The following INPP4B variants were observed in gnomAD, a reference collection of about 807,000 sequenced individuals.
INPP4B encodes the protein inositol polyphosphate 4-phosphatase type II.
A neutral mutation model predicts 122.5 loss-of-function variants in INPP4B; 55 were observed. The ratio of observed to expected loss-of-function variants is 0.45; its 90% CI spans 0.36 to 0.56. INPP4B has a LOEUF of 0.56. Ranked by LOEUF, INPP4B falls within the 20% of genes least tolerant of loss-of-function variation. INPP4B has a pLI of 0.00. For missense variants in INPP4B, 1,000 were observed against 1,097.7 expected, an observed-to-expected ratio of 0.91 and a Z score of 1.26; for synonymous variants, 403 against 388.7, an observed-to-expected ratio of 1.04 and a Z score of -0.43.
In INPP4B at chr4:142,728,364, G is replaced by A. The variant is rs1021054142; in HGVS notation, c.-253-2463C>T. 3.3e-5 allele frequency among the ~76,000 whole-genome samples: 5 copies of A among 152,204 alleles called. No individual in the cohort carries two copies. In the East Asian group the frequency reaches 9.6e-4, roughly 29 times the overall value. Reference sequence around the variant, plus strand: ...CCAATAACAATCCCTAACTCCAGGTGCAGGCATCAAGTAGACCAACATCTG... The same window carrying A: ...CCAATAACAATCCCTAACTCCAGGTACAGGCATCAAGTAGACCAACATCTG... On this transcript the variant is annotated intron_variant, in intron 1 of 25. Transcript: ENST00000262992.
chr4:142,074,982 A>G (rs1184632667), intron 25 of INPP4B, among the ~76,000 whole-genome samples: 2 of 151,918 alleles, frequency 1.3e-5, no homozygotes, highest in African/African-American at 4.8e-5. Flanking sequence ...GATTCTTTTT[A>G]TCCTCTGAGC....
At chr4:142,440,796 T>A (rs1177291385) in intron 3 of INPP4B, among the ~76,000 whole-genome samples, 1 of 152,240 alleles carries the variant, frequency 6.6e-6, no homozygotes, top group African/African-American at 2.4e-5. Context: ...TACACATATA[T>A]GGCAAAATAG....
chr4:142,392,350 A>C (rs545972993), intron 7 of INPP4B, among the ~76,000 whole-genome samples: 18 of 152,206 alleles, frequency 1.2e-4, no homozygotes, highest in African/African-American at 4.3e-4. Flanking sequence ...TCTATGAACA[A>C]TAGAAATGAA....
At chr4:142,582,714 C>T (rs1306755217) in intron 2 of INPP4B, among the ~76,000 whole-genome samples, 1 of 152,116 alleles carries the variant, frequency 6.6e-6, no homozygotes, top group Non-Finnish European at 1.5e-5. Flanking sequence ...ATGGGCCAGG[C>T]CACTCACTGG....
chr4:142,841,733 A>G (rs1783517636), intron 1 of INPP4B, among the ~76,000 whole-genome samples: 1 of 151,934 alleles, frequency 6.6e-6, no homozygotes, highest in African/African-American at 2.4e-5. Flanking sequence ...ATAAACAACT[A>G]GTAAATGAAA....
intron 7 of INPP4B, among the ~76,000 whole-genome samples, chr4:142,343,495 AC>A (rs199558587): frequency 6.8e-6 from 1 of 147,200 alleles, no homozygotes; most frequent in Non-Finnish European, 1.5e-5. Flanking sequence ...AAAAAAAAAA[AC>A]CCCGAGAGTT....
At chr4:142,522,050 G>C (rs1026242236) in intron 2 of INPP4B, among the ~76,000 whole-genome samples, 5 of 151,840 alleles carry the variant, frequency 3.3e-5, no homozygotes, top group Non-Finnish European at 7.4e-5. Flanking sequence ...GTGTGCTTTG[G>C]GCAAGTTATT....
intron 21 of INPP4B, among the ~76,000 whole-genome samples, chr4:142,116,841 A>G (rs1407311341): frequency 6.6e-6 from 1 of 152,188 alleles, no homozygotes. Context: ...TAGAGACACA[A>G]AAAACCGTTC....
chr4:142,720,759 T>TA (rs1560996300), intron 2 of INPP4B, among the ~76,000 whole-genome samples: 586 of 50,562 alleles, frequency 0.012, 25 homozygotes, highest in African/African-American at 0.051. Flanking sequence ...CATATATATA[T>TA]AATCTCTCTC....
chr4:142,221,683 C>A (rs967629011), intron 12 of INPP4B, among the ~76,000 whole-genome samples: 1 of 151,960 alleles, frequency 6.6e-6, no homozygotes. Flanking sequence ...TCAGTCTTGA[C>A]CAGTAGAACT....
chr4:142,694,634 T>C (rs915976292), intron 2 of INPP4B, among the ~76,000 whole-genome samples: 3 of 152,168 alleles, frequency 2.0e-5, no homozygotes, highest in African/African-American at 7.2e-5. Context: ...AGGCATTTGA[T>C]TCTAGGCTCT....
At chr4:142,183,061 C>T (rs913670847) in intron 15 of INPP4B, among the ~76,000 whole-genome samples, 2 of 152,164 alleles carry the variant, frequency 1.3e-5, no homozygotes, top group South Asian at 2.1e-4. Flanking sequence ...CCCAGCCTAA[C>T]GTCCTTTCAT....
intron 2 of INPP4B, among the ~76,000 whole-genome samples, chr4:142,532,038 C>T (rs750287463): frequency 2.0e-5 from 3 of 152,170 alleles, no homozygotes; most frequent in Non-Finnish European, 4.4e-5. Context: ...GTAGCCCAGG[C>T]TGCTGCAATA....
At chr4:142,578,808 T>C (rs1024037382) in intron 2 of INPP4B, among the ~76,000 whole-genome samples, 1 of 152,014 alleles carries the variant, frequency 6.6e-6, no homozygotes, top group Non-Finnish European at 1.5e-5. Context: ...GAGCTTACAA[T>C]TGGACCTCAC....
intron 2 of INPP4B, among the ~76,000 whole-genome samples, chr4:142,545,710 T>TGTGTATATACACATAC (rs1246983330): frequency 2.9e-4 from 8 of 27,736 alleles, no homozygotes; most frequent in Non-Finnish European, 6.9e-4. Flanking sequence ...TATATATATG[T>TGTGTATATACACATAC]GTGTGTATAT....
At chr4:142,573,503 A>C (rs932487115) in intron 2 of INPP4B, among the ~76,000 whole-genome samples, 9 of 152,130 alleles carry the variant, frequency 5.9e-5, no homozygotes, top group Non-Finnish European at 1.2e-4. Flanking sequence ...AATTCAAAAA[A>C]TCAATCATAT....
At chr4:142,179,561 T>TGTAAAATGATGCTAATAG (rs67520191) in intron 15 of INPP4B, among the ~76,000 whole-genome samples, 1 of 143,968 alleles carries the variant, frequency 6.9e-6, no homozygotes, top group Non-Finnish European at 1.5e-5. Context: ...ATTAGCTCTG[T>TGTAAAATGATGCTAATAG]GAAAAAAAAA....
intron 7 of INPP4B, among the ~76,000 whole-genome samples, chr4:142,397,425 T>C (rs966954742): frequency 3.3e-5 from 5 of 152,190 alleles, no homozygotes; most frequent in Non-Finnish European, 5.9e-5. Flanking sequence ...CATTATAAAA[T>C]TTATTTGGAC....
At chr4:142,466,897 C>T (rs1332692564) in intron 2 of INPP4B, among the ~76,000 whole-genome samples, 1 of 152,170 alleles carries the variant, frequency 6.6e-6, no homozygotes, top group Non-Finnish European at 1.5e-5. Flanking sequence ...ACAGCTCAGG[C>T]TGCCACTTTG....
Sources: allele counts gnomAD v4.1 joint callset (sites outside exome capture counted in the v4.1 genomes callset), GRCh38; gene constraint gnomAD v4.1.1; transcripts MANE v1.5; gene names NCBI Gene and HGNC (gene_info 2026-07-23, HGNC 2026-07-21).